Variants in SDK1 observed in about 807,000 individuals in gnomAD.
SDK1 encodes the protein protein sidekick-1.
SDK1 carries 157 observed loss-of-function variants against 245.5 expected under a neutral mutation model. The observed-to-expected ratio is 0.64, with a 90% CI of 0.56 to 0.73. The LOEUF (loss-of-function observed/expected upper bound fraction) is 0.73. Among genes scored for constraint, SDK1 ranks in the 30% least tolerant of loss-of-function variants. The pLI, the probability that SDK1 is intolerant of heterozygous loss-of-function variation, is 0.00. For missense variants in SDK1, 3,583 were observed against 3,002.3 expected, an observed-to-expected ratio of 1.19 and a Z score of -4.52; for synonymous variants, 1,647 against 1,278.5, an observed-to-expected ratio of 1.29 and a Z score of -6.15.
intron 1 of SDK1, among the ~76,000 whole-genome samples, chr7:3,571,877 G>T (rs1010114069): frequency 6.6e-6 from 1 of 151,850 alleles, no homozygotes; most frequent in Non-Finnish European, 1.5e-5. Flanking sequence ...AAAGCTAATC[G>T]GTATATTTCT....
At chr7:3,393,200 G>T (rs1781806293) in intron 1 of SDK1, among the ~76,000 whole-genome samples, 1 of 151,896 alleles carries the variant, frequency 6.6e-6, no homozygotes, top group African/African-American at 2.4e-5. Flanking sequence ...TTGAACTCCT[G>T]ACCTCAGGTG....
chr7:4,001,081 A>G (rs757619414), intron 14 of SDK1, among the ~76,000 whole-genome samples: 5 of 152,166 alleles, frequency 3.3e-5, no homozygotes, highest in Non-Finnish European at 7.4e-5. Context: ...CCTCTGGCCC[A>G]GGCTGTCCCA....
chr7:3,626,797 C>T (rs1381632531), intron 2 of SDK1, among the ~76,000 whole-genome samples: 3 of 152,086 alleles, frequency 2.0e-5, no homozygotes, highest in African/African-American at 7.2e-5. Flanking sequence ...TCTCTGGGTC[C>T]CTTTTTCTTC....
chr7:3,723,943 TAGAGAGAGAGAG>T lies in SDK1; in HGVS notation c.713+81862_713+81873del, dbSNP rs542853903. Among the ~76,000 whole-genome samples, 26 of 89,692 alleles carry T rather than the reference TAGAGAGAGAGAG, an allele frequency of 2.9e-4. 2 individuals are homozygous for T. The highest frequency in any genetic ancestry group is 4.4e-4 in the Admixed American group (4 of 9,030). 58.8% of individuals were successfully genotyped at this position (89,692 alleles called of 152,430 possible). On this transcript the variant is annotated intron_variant, in intron 4 of 44. Transcript: ENST00000404826. ...ATACACGTATATATATATATATATA[TAGAGAGAGAGAG>T]AGAGAGAGAGAGAGAGAGAGAGAAA...
intron 26 of SDK1, among the ~76,000 whole-genome samples, chr7:4,127,753 T>C (rs1349485669): frequency 6.6e-6 from 1 of 152,204 alleles, no homozygotes; most frequent in Non-Finnish European, 1.5e-5. Context: ...GGAACTGACC[T>C]CCGGGCCTGC....
intron 4 of SDK1, among the ~76,000 whole-genome samples, chr7:3,713,270 G>A (rs959862207): frequency 4.6e-5 from 7 of 152,198 alleles, no homozygotes; most frequent in Admixed American, 1.3e-4. Flanking sequence ...CTTCCAAGTC[G>A]TCTGGGAGCT....
intron 4 of SDK1, among the ~76,000 whole-genome samples, chr7:3,817,511 C>G (rs990336151): frequency 1.3e-5 from 2 of 152,202 alleles, no homozygotes; most frequent in Non-Finnish European, 2.9e-5. Flanking sequence ...TCTTCAGGCA[C>G]CTATGCAGTG....
At chr7:4,060,362 T>C (rs1224682298) in intron 19 of SDK1, among the ~76,000 whole-genome samples, 1 of 152,174 alleles carries the variant, frequency 6.6e-6, no homozygotes, top group African/African-American at 2.4e-5. Flanking sequence ...AGGAAAGATA[T>C]AATAAAGATC....
At chr7:4,228,676 A>T (rs1785576006) in intron 40 of SDK1, among the ~76,000 whole-genome samples, 1 of 152,118 alleles carries the variant, frequency 6.6e-6, no homozygotes, top group African/African-American at 2.4e-5. Flanking sequence ...AGTAGCTGGG[A>T]TTACAGGAGC....
At chr7:3,340,148 A>G (rs1253978861) in intron 1 of SDK1, among the ~76,000 whole-genome samples, 1 of 151,988 alleles carries the variant, frequency 6.6e-6, no homozygotes, top group African/African-American at 2.4e-5. Flanking sequence ...AAAAACTAAA[A>G]CTTAATAAAA....
chr7:3,441,336 A>G (rs892237737), intron 1 of SDK1, among the ~76,000 whole-genome samples: 2 of 152,154 alleles, frequency 1.3e-5, no homozygotes, highest in East Asian at 1.9e-4. Flanking sequence ...TCTCTTGCAG[A>G]TAAGGAGGAC....
At chr7:3,701,017 T>TGGGGAGGAACCAGTTGCCGCGC (rs1337547862) in intron 4 of SDK1, among the ~76,000 whole-genome samples, 22 of 152,290 alleles carry the variant, frequency 1.4e-4, no homozygotes, top group African/African-American at 5.3e-4. Context: ...CCCATAGGGC[T>TGGGGAGGAACCAGTTGCCGCGC]GGGGAGGAAC....
chr7:4,150,626 C>T (rs561112150), intron 30 of SDK1, among the ~76,000 whole-genome samples: 2 of 152,374 alleles, frequency 1.3e-5, no homozygotes, highest in East Asian at 3.9e-4. Context: ...TCAGCCCTTC[C>T]TGACTGAACC....
At chr7:4,250,286 C>T (rs1038732277) in intron 44 of SDK1, among the ~76,000 whole-genome samples, 8 of 152,072 alleles carry the variant, frequency 5.3e-5, no homozygotes, top group Admixed American at 1.3e-4. Flanking sequence ...TTCAGAACTT[C>T]TCCCTTTATA....
At chr7:3,515,812 A>G (rs1782728128) in intron 1 of SDK1, among the ~76,000 whole-genome samples, 1 of 152,192 alleles carries the variant, frequency 6.6e-6, no homozygotes, top group Non-Finnish European at 1.5e-5. Context: ...TCAAAGACAT[A>G]AATCACCTTA....
rs188967494 is a variant in SDK1 at position 3,366,649 on chromosome 7, A to G, written c.298+64765A>G. On this transcript the variant is annotated intron_variant, in intron 1 of 44. Coordinates refer to ENST00000404826, the MANE Select transcript of SDK1 (RefSeq NM_152744.4). ...TTATGGGGATAGTTGAACATCTTTA[A>G]AAACATTTAAAGACTTTTGTCTTTT... Among the ~76,000 whole-genome samples the G allele has an allele frequency of 6.1e-4, 93 of 152,298 alleles. 2 individuals carry two copies. Among genetic ancestry groups the G allele is most frequent in the African/African-American group, 2.0e-3 (85 of 41,566 alleles).
At chr7:3,863,965 G>A (rs991873746) in intron 5 of SDK1, among the ~76,000 whole-genome samples, 22 of 152,262 alleles carry the variant, frequency 1.4e-4, no homozygotes, top group Admixed American at 1.1e-3. Flanking sequence ...GAATTGCTGG[G>A]TTGCATGGTA....
chr7:3,769,958 G>A (rs1780361229), intron 4 of SDK1, among the ~76,000 whole-genome samples: 1 of 151,704 alleles, frequency 6.6e-6, no homozygotes, highest in South Asian at 2.1e-4. Context: ...GTGTGTGTGT[G>A]TGTGTGTGTG....
chr7:3,680,803 A>G (rs866321979), intron 4 of SDK1, among the ~76,000 whole-genome samples: 1 of 152,138 alleles, frequency 6.6e-6, no homozygotes, highest in Non-Finnish European at 1.5e-5. Context: ...ATCCTGACTT[A>G]TGCGTTAGCC....
Sources: allele counts gnomAD v4.1 joint callset (sites outside exome capture counted in the v4.1 genomes callset), GRCh38; gene constraint gnomAD v4.1.1; transcripts MANE v1.5; gene names NCBI Gene and HGNC (gene_info 2026-07-23, HGNC 2026-07-21).